Variants in ADAMTSL2 observed in about 807,000 individuals in gnomAD.
ADAMTSL2 encodes the protein ADAMTS like 2.
Under a neutral mutation model 117.0 loss-of-function variants are expected in ADAMTSL2, and 55 were observed. That is an observed-to-expected ratio of 0.47 (90% confidence interval 0.38 to 0.59). ADAMTSL2 has a LOEUF of 0.59. Among genes scored for constraint, ADAMTSL2 ranks in the 20% least tolerant of loss-of-function variants. ADAMTSL2 has a pLI of 0.00. For missense variants in ADAMTSL2, 1,182 were observed against 1,354.5 expected (o/e 0.87, Z 2.00); for synonymous variants, 572 against 566.4 (o/e 1.01, Z -0.14).
intron 9 of ADAMTSL2, 57 bp downstream of exon 9, chr9:133,547,270 A>C: frequency 6.4e-7 from 1 of 1,551,710 alleles, no homozygotes; most frequent in Non-Finnish European, 8.8e-7. Flanking sequence ...TTTCCCCAGA[A>C]TCCAGCCACA....
chr9:133,564,709 A>G (rs1588305751), intron 12 of ADAMTSL2, among the ~76,000 whole-genome samples: 2 of 140,466 alleles, frequency 1.4e-5, no homozygotes, highest in Non-Finnish European at 3.1e-5. Flanking sequence ...AGAGAGAAGG[A>G]GAGAGAGAGA....
intron 4 of ADAMTSL2, among the ~76,000 whole-genome samples, chr9:133,539,449 C>T (rs949920263): frequency 6.6e-6 from 1 of 152,234 alleles, no homozygotes; most frequent in Non-Finnish European, 1.5e-5. Flanking sequence ...GAGGGGAGCA[C>T]CCTTGCCAGC....
At chr9:133,534,617 G>A (rs1395725675), upstream of ADAMTSL2, 2 of 1,274,022 alleles carry the variant, frequency 1.6e-6, no homozygotes, top group African/African-American at 1.6e-5. Context: ...CGGCCGGCGC[G>A]GGCGGGGGAG....
intron 16 of ADAMTSL2, among the ~76,000 whole-genome samples, chr9:133,569,787 A>G (rs1338522383): frequency 1.3e-5 from 2 of 152,382 alleles, no homozygotes; most frequent in East Asian, 1.9e-4. Flanking sequence ...TCAATTTTGC[A>G]TGGCTCAGTG....
In ADAMTSL2 at chr9:133,574,829, G is replaced by C; in HGVS notation, c.2821G>C (p.Ala941Pro). 1.9e-6 allele frequency: 3 copies of C among 1,613,506 alleles called. No homozygotes were observed. The highest frequency in any genetic ancestry group is 1.7e-6 in the Non-Finnish European group (2 of 1,179,980). Residue 941 changes from alanine to proline, a missense_variant, in exon 19 of 19, where the codon GCG becomes CCG. Physicochemically the swap from Ala to Pro is conservative, Grantham distance 27. Coordinates refer to ENST00000651351, the MANE Select transcript of ADAMTSL2 (RefSeq NM_014694.4). ...CTGCGGGCACTGGTACTACAGCAAG[G>C]CGTGCTGCCGCTCCTGCAGGCCCCC... ...NLCGHWYYSK[A>P]CCRSCRPPHS
chr9:133,539,522 G>A (rs1830143714), intron 4 of ADAMTSL2, among the ~76,000 whole-genome samples: 1 of 152,192 alleles, frequency 6.6e-6, no homozygotes, highest in South Asian at 2.1e-4. Context: ...GACTGGGAGG[G>A]TTGTGTCTAG....
chr9:133,558,064 A>G lies in ADAMTSL2; in HGVS notation c.1649+2134A>G, dbSNP rs895840180. Among the ~76,000 whole-genome samples the G allele has an allele frequency of 2.9e-4, 44 of 152,218 alleles. No homozygotes were observed. The highest frequency in any genetic ancestry group is 1.6e-3 in the Admixed American group (24 of 15,306). ...CGGATCCTCAAGCCGCTTTGTAAAG[A>G]GTCTCTCCTGCCCCATCTTGGTTGA... On this transcript the variant is annotated intron_variant, in intron 11 of 18. Coordinates refer to ENST00000651351, the MANE Select transcript of ADAMTSL2 (RefSeq NM_014694.4). The surrounding 1 kb of genome is among the most constrained non-coding windows in gnomAD (Gnocchi z 4.3).
chr9:133,554,671 C>T lies in ADAMTSL2; in HGVS notation c.1254C>T (p.Pro418=). Residue 418 remains proline (P), a synonymous_variant, in exon 10 of 19, where the codon CCC becomes CCT. Transcript: ENST00000651351. The surrounding 1 kb of genome is among the most constrained non-coding windows in gnomAD (Gnocchi z 5.2). ...CCGGCGGCGGGGCCTGCGAGGGGCC[C>T]CCCAGGGGCAAGGGCTTCCGAGGTA... ...EQAGGGACEG[P]PRGKGFRDRN... 1.3e-6 allele frequency: 2 copies of T among 1,512,092 alleles called. No individual in the cohort carries two copies. The highest frequency in any genetic ancestry group is 2.5e-5 in the South Asian group (2 of 80,220). The allele number at this position is 1,512,092 out of a possible 1,614,324, so 93.7% of individuals were successfully genotyped here. A position where few individuals can be genotyped will look rare whatever the true frequency, so the allele number is the denominator to read the frequency against.
chr9:133,548,992 CTTTTTTTTTT>C lies in ADAMTSL2; in HGVS notation c.939+1797_939+1806del, dbSNP rs1180540013. 9.7e-5 allele frequency among the ~76,000 whole-genome samples: 3 copies of C among 31,022 alleles called. 1 individual carries two copies. In the East Asian group the frequency reaches 1.0e-3, roughly 10 times the overall value. The allele number at this position is 31,022 out of a possible 152,430, so 20.4% of individuals were successfully genotyped here. ...TACAACTGACACTCACAGTTTCCTT[CTTTTTTTTTT>C]TTTTTTTTTTTTTTTTTGAGACGGA... On this transcript the variant is annotated intron_variant, in intron 9 of 18. Coordinates refer to ENST00000651351, the MANE Select transcript of ADAMTSL2 (RefSeq NM_014694.4).
At chr9:133,559,565 G>A (rs925481310) in intron 11 of ADAMTSL2, among the ~76,000 whole-genome samples, 22 of 151,142 alleles carry the variant, frequency 1.5e-4, no homozygotes, top group Admixed American at 4.6e-4. Flanking sequence ...TGTCAGCCAG[G>A]ATGGTCTCGA....
At chr9:133,537,683 C>A (rs1001005542) in intron 3 of ADAMTSL2, 136 bp downstream of exon 3, 1 of 1,029,506 alleles carries the variant, frequency 9.7e-7, no homozygotes, top group Admixed American at 4.1e-5. Context: ...CAGGCTGAGT[C>A]CCCCCATCAG....
intron 9 of ADAMTSL2, among the ~76,000 whole-genome samples, chr9:133,547,842 C>T (rs1325945141): frequency 6.6e-6 from 1 of 152,230 alleles, no homozygotes; most frequent in African/African-American, 2.4e-5. Context: ...GGGTGGGGCT[C>T]AGGGCCCGAG....
In ADAMTSL2 at chr9:133,561,148, G is replaced by C; in HGVS notation, c.1650-50G>C. 2.0e-6 allele frequency: 3 copies of C among 1,493,664 alleles called. No individual in the cohort carries two copies. In the South Asian group the frequency reaches 3.6e-5, roughly 18 times the overall value. 92.5% of individuals were successfully genotyped at this position (1,493,664 alleles called of 1,614,324 possible). A position where few individuals can be genotyped will look rare whatever the true frequency, so the allele number is the denominator to read the frequency against. The stretch of plus-strand genomic sequence containing the variant: ...CTCGCCTGAAAAGCCGGAGCCTGCC[G>C]GTGGGGCCTGGAGCGTCTCATCACC... On this transcript the variant is annotated intron_variant, in intron 11 of 18. Transcript: ENST00000651351.
At chr9:133,559,917 A>G (rs2131150957) in intron 11 of ADAMTSL2, among the ~76,000 whole-genome samples, 1 of 152,314 alleles carries the variant, frequency 6.6e-6, no homozygotes, top group East Asian at 1.9e-4. Context: ...TCCTGTGGGT[A>G]GATCATTCCT....
chr9:133,546,918 T>C, intron 8 of ADAMTSL2, 120 bp from the exon 9 acceptor site: 1 of 1,033,944 alleles, frequency 9.7e-7, no homozygotes, highest in Non-Finnish European at 1.5e-6. Flanking sequence ...GTTTCCTGTC[T>C]CGGGAGCATT....
chr9:133,570,575 G>A (rs937402803), intron 17 of ADAMTSL2, 68 bp downstream of exon 17: 40 of 1,517,766 alleles, frequency 2.6e-5, no homozygotes, highest in Non-Finnish European at 3.2e-5. Context: ...CGCCCCTCCC[G>A]CCTCAAGCCT....
intron 9 of ADAMTSL2, among the ~76,000 whole-genome samples, chr9:133,548,248 CTTTG>C (rs1228070355): frequency 6.6e-6 from 1 of 152,234 alleles, no homozygotes; most frequent in African/African-American, 2.4e-5. Context: ...AGAGCCTGTT[CTTTG>C]TTTAGCTGCT....
upstream of ADAMTSL2, chr9:133,534,628 C>A (rs921472445): frequency 7.0e-6 from 9 of 1,277,908 alleles, no homozygotes; most frequent in Non-Finnish European, 9.0e-6. Flanking sequence ...GGCGGGGGAG[C>A]GGCCTGGTGG....
intron 17 of ADAMTSL2, 116 bp from the exon 18 acceptor site, chr9:133,573,727 T>C (rs1194445995): frequency 1.5e-5 from 20 of 1,356,052 alleles, no homozygotes; most frequent in Non-Finnish European, 2.0e-5. Context: ...TTGGGACTCA[T>C]GGCCGCCTGG....
Sources: allele counts gnomAD v4.1 joint callset (sites outside exome capture counted in the v4.1 genomes callset), GRCh38; gene constraint gnomAD v4.1.1; non-coding constraint Gnocchi (gnomAD v3.1); transcripts MANE v1.5; gene names NCBI Gene and HGNC (gene_info 2026-07-23, HGNC 2026-07-21).